The following AKAP7 variants were observed in gnomAD, a reference collection of about 807,000 sequenced individuals.
The protein encoded by AKAP7 is A kinase (PRKA) anchor protein 7.
A neutral mutation model predicts 39.5 loss-of-function variants in AKAP7; 39 were observed. That is an observed-to-expected ratio of 0.99 (90% CI 0.76 to 1.29). The LOEUF is 1.29. Ranked by LOEUF, AKAP7 falls within the 50% of genes most tolerant of loss-of-function variation. The pLI is 0.00. For synonymous variants in AKAP7, 140 were observed against 139.1 expected, an observed-to-expected ratio of 1.01 and a Z score of -0.05; for missense variants, 414 against 407.7, an observed-to-expected ratio of 1.02 and a Z score of -0.13.
At position 131,219,734 on chromosome 6, in the gene AKAP7, G is replaced by A. The variant is rs140783900; in HGVS notation, c.776G>A (p.Arg259His). 45 of 1,596,312 alleles carry A rather than the reference G, an allele frequency of 2.8e-5. No individual in the cohort carries two copies. Among genetic ancestry groups the A allele is most frequent in the South Asian group, 2.1e-4 (19 of 88,754 alleles). Residue 259 changes from arginine to histidine, a missense_variant, in exon 7 of 8, where the codon CGC (arginine) becomes CAC (histidine). Arg to His is a conservative substitution (Grantham distance 29). Transcript: ENST00000431975. The stretch of plus-strand genomic sequence containing the variant: ...AGATTTGGAGAAGAAATATTATATC[G>A]CATAGATCTTTGCTCCATGCTGAAG... The part of the protein sequence containing the change: ...SHRFGEEILY[R>H]IDLCSMLKKK...
At chr6:131,146,539 G>A (rs542267807) in intron 2 of AKAP7, among the ~76,000 whole-genome samples, 15 of 152,224 alleles carry the variant, frequency 9.9e-5, no homozygotes, top group Non-Finnish European at 2.1e-4. Context: ...CACTGAAAAT[G>A]TTAAAGATTT....
chr6:131,151,108 TCTC>T (rs1397849551), intron 2 of AKAP7, among the ~76,000 whole-genome samples: 1 of 152,064 alleles, frequency 6.6e-6, no homozygotes, highest in Non-Finnish European at 1.5e-5. Flanking sequence ...AGTGGTGTGA[TCTC>T]AGCCCACTGC....
chr6:131,258,693 AAAGAAT>A (rs1207579642), intron 7 of AKAP7, among the ~76,000 whole-genome samples: 3 of 152,250 alleles, frequency 2.0e-5, no homozygotes, highest in Admixed American at 6.5e-5. Flanking sequence ...ATGAAAATAT[AAAGAAT>A]AAGTATAGCT....
chr6:131,272,070 G>A (rs553304010), intron 7 of AKAP7, among the ~76,000 whole-genome samples: 1 of 152,204 alleles, frequency 6.6e-6, no homozygotes, highest in Admixed American at 6.5e-5. Context: ...CAGTGACTCT[G>A]GAATGTGGTA....
At position 131,281,480 on chromosome 6, in the gene AKAP7, TC is replaced by T; in HGVS notation, c.851-49del. ...CTAGCCGGCCCCTGCATGCCAAGTT[TC>T]TATGGCAATGTGATCTCAGTGACCT... is the stretch of plus-strand genomic sequence containing the variant. On this transcript the variant is annotated intron_variant, in intron 7 of 7. Coordinates refer to ENST00000431975, the MANE Select transcript of AKAP7 (RefSeq NM_016377.4). The surrounding 1 kb of genome is among the most constrained non-coding windows in gnomAD (Gnocchi z 4.0). 1 of 1,450,158 alleles carries T rather than the reference TC, an allele frequency of 6.9e-7. No homozygotes were observed. Among genetic ancestry groups the T allele is most frequent in the Non-Finnish European group, 9.3e-7 (1 of 1,080,082 alleles). The allele number at this position is 1,450,158 out of a possible 1,614,324, so 89.8% of individuals were successfully genotyped here.
At chr6:131,254,830 A>G (rs1812717741) in intron 7 of AKAP7, among the ~76,000 whole-genome samples, 1 of 152,248 alleles carries the variant, frequency 6.6e-6, no homozygotes. Flanking sequence ...AATTTTATAC[A>G]TGAAATATGT....
chr6:131,239,316 C>G (rs912314004), intron 7 of AKAP7, among the ~76,000 whole-genome samples: 2 of 152,160 alleles, frequency 1.3e-5, no homozygotes, highest in African/African-American at 2.4e-5. Context: ...GGTAACCCAA[C>G]CTTTCTCTCT....
At chr6:131,184,758 G>A in intron 5 of AKAP7, 1 of 1,073,252 alleles carries the variant, frequency 9.3e-7, no homozygotes, top group South Asian at 1.2e-5. Context: ...AAACAGGAGT[G>A]GGTGGTTGGG....
chr6:131,231,680 ATTAC>A (rs1311851476), intron 7 of AKAP7, among the ~76,000 whole-genome samples: 2 of 152,148 alleles, frequency 1.3e-5, no homozygotes, highest in Non-Finnish European at 2.9e-5. Flanking sequence ...AAGGGGATCT[ATTAC>A]TTACTAGGCT....
At chr6:131,167,416 A>G (rs1388658550) in intron 4 of AKAP7, among the ~76,000 whole-genome samples, 4 of 152,178 alleles carry the variant, frequency 2.6e-5, no homozygotes, top group Non-Finnish European at 5.9e-5. Flanking sequence ...AACCTTTCTC[A>G]TGGTCTGCTT....
intron 7 of AKAP7, among the ~76,000 whole-genome samples, chr6:131,224,614 C>T (rs1176967489): frequency 6.6e-6 from 1 of 150,472 alleles, no homozygotes; most frequent in Admixed American, 6.6e-5. Flanking sequence ...TTGGAGAGTG[C>T]TAGATTACAA....
At chr6:131,180,917 A>G (rs1443738466) in intron 5 of AKAP7, among the ~76,000 whole-genome samples, 1 of 142,944 alleles carries the variant, frequency 7.0e-6, no homozygotes, top group African/African-American at 2.6e-5. Flanking sequence ...AAGCATTTAT[A>G]TTTTTAGATT....
chr6:131,176,235 A>C (rs1293965251), intron 5 of AKAP7, among the ~76,000 whole-genome samples: 2 of 150,896 alleles, frequency 1.3e-5, no homozygotes, highest in Non-Finnish European at 2.9e-5. Context: ...GGTGTATGGC[A>C]TCAGAGGCTG....
At position 131,145,375 on chromosome 6, in the gene AKAP7, A is replaced by G. The variant is rs746150845; in HGVS notation, c.110A>G (p.Asp37Gly). The change falls in exon 2 of 8, where the codon GAC becomes GGC. Residue 37 changes from aspartate (D) to glycine (G), a missense_variant. Coordinates refer to ENST00000431975, the MANE Select transcript of AKAP7 (RefSeq NM_016377.4). ...FEANTMDSLV[D>G]MPFATVDIQD... ...GCCAATACTATGGATTCTCTGGTAG[A>G]CATGCCATTTGCTACTGTAGATATT... 2 of 1,567,140 alleles carry G rather than the reference A, an allele frequency of 1.3e-6. No individual in the cohort carries two copies. The highest frequency in any genetic ancestry group is 1.8e-5 in the Admixed American group (1 of 54,292).
At chr6:131,230,416 T>C (rs1002228639) in intron 7 of AKAP7, among the ~76,000 whole-genome samples, 3 of 152,226 alleles carry the variant, frequency 2.0e-5, no homozygotes, top group Admixed American at 1.3e-4. Flanking sequence ...TATCTGTTCA[T>C]GTCCTTTGCC....
intron 7 of AKAP7, among the ~76,000 whole-genome samples, chr6:131,279,707 A>G (rs915611922): frequency 1.2e-4 from 19 of 152,168 alleles, no homozygotes; most frequent in African/African-American, 3.9e-4. Flanking sequence ...CTCAAATTCA[A>G]CCCTGTCATC....
intron 7 of AKAP7, among the ~76,000 whole-genome samples, chr6:131,244,717 G>A (rs1474120613): frequency 6.6e-6 from 1 of 152,156 alleles, no homozygotes; most frequent in Non-Finnish European, 1.5e-5. Flanking sequence ...TGACTCTTGT[G>A]GATTGGTGAA....
intron 7 of AKAP7, among the ~76,000 whole-genome samples, chr6:131,232,390 A>G (rs2128306576): frequency 6.6e-6 from 1 of 152,344 alleles, no homozygotes; most frequent in South Asian, 2.1e-4. Context: ...CATTAACATA[A>G]TAATGAATTA....
At chr6:131,161,888 A>C (rs983610190) in intron 3 of AKAP7, among the ~76,000 whole-genome samples, 3 of 152,176 alleles carry the variant, frequency 2.0e-5, no homozygotes, top group Non-Finnish European at 2.9e-5. Flanking sequence ...TCCTAAGGAC[A>C]CTGAATGTCA....
Sources: allele counts gnomAD v4.1 joint callset (sites outside exome capture counted in the v4.1 genomes callset), GRCh38; gene constraint gnomAD v4.1.1; non-coding constraint Gnocchi (gnomAD v3.1); transcripts MANE v1.5; gene names NCBI Gene and HGNC (gene_info 2026-07-23, HGNC 2026-07-21).